Variants in CIB3 observed in about 807,000 individuals in gnomAD.
The protein encoded by CIB3 is calcium and integrin-binding family member 3.
Under a neutral mutation model 23.4 loss-of-function variants are expected in CIB3, and 22 were observed. That is an observed-to-expected ratio of 0.94 (90% CI 0.67 to 1.34). The LOEUF (loss-of-function observed/expected upper bound fraction) is 1.34, where lower values mean the gene tolerates loss of function less well. CIB3 is among the 40% of genes most tolerant of loss of function. The pLI, the probability that CIB3 is intolerant of heterozygous loss-of-function variation, is 0.00. For missense variants in CIB3, 258 were observed against 247.3 expected (o/e 1.04, Z -0.29); for synonymous variants, 93 against 95.8 (o/e 0.97, Z 0.17).
At position 16,161,437 on chromosome 19, in the gene CIB3, C is replaced by T; in HGVS notation, c.*28G>A. The T allele has an allele frequency of 6.2e-7, 1 of 1,613,774 alleles. No homozygotes were observed. The highest frequency in any genetic ancestry group is 8.5e-7 in the Non-Finnish European group (1 of 1,179,688). Reference sequence around the variant, plus strand: ...AGCGGGTGAGGGGTCACCCCGCCCTCCTATAGCTCGGCTCCTCTGTGGTGC... The same window carrying T: ...AGCGGGTGAGGGGTCACCCCGCCCTTCTATAGCTCGGCTCCTCTGTGGTGC... On this transcript the variant is annotated 3_prime_UTR_variant, in exon 6 of 6. Transcript: ENST00000269878.
intron 3 of CIB3, among the ~76,000 whole-genome samples, chr19:16,168,999 T>C (rs2091317072): frequency 6.6e-6 from 1 of 152,182 alleles, no homozygotes; most frequent in Non-Finnish European, 1.5e-5. Flanking sequence ...ATCCTGCTGA[T>C]AAAAACCTGC....
chr19:16,166,206 G>A (rs573298430), intron 4 of CIB3, among the ~76,000 whole-genome samples: 25 of 152,242 alleles, frequency 1.6e-4, no homozygotes, highest in African/African-American at 5.8e-4. Flanking sequence ...CAGGAGAATC[G>A]CTTGAACCCA....
At chr19:16,166,850 T>A (rs1248667383) in intron 4 of CIB3, among the ~76,000 whole-genome samples, 1 of 152,012 alleles carries the variant, frequency 6.6e-6, no homozygotes, top group African/African-American at 2.4e-5. Flanking sequence ...GAAGCCGAGG[T>A]GGGTGGATCA....
At position 16,173,151 on chromosome 19, in the gene CIB3, C is replaced by T; in HGVS notation, c.86+11G>A. 1.2e-6 allele frequency: 2 copies of T among 1,613,376 alleles called. No individual in the cohort carries two copies. Among genetic ancestry groups the T allele is most frequent in the Non-Finnish European group, 1.7e-6 (2 of 1,179,788 alleles). ...TTTCCAGATCTTCTCTCCCTTCCTC[C>T]CTGGACTGACCTCATGATCTCCTTC... On this transcript the variant is annotated intron_variant, in intron 2 of 5. Coordinates refer to ENST00000269878, the MANE Select transcript of CIB3 (RefSeq NM_054113.4).
intron 5 of CIB3, among the ~76,000 whole-genome samples, chr19:16,162,243 CA>C (rs79329568): frequency 0.18 from 9,516 of 52,524 alleles, 286 homozygotes; most frequent in African/African-American, 0.28. Flanking sequence ...CTTGTCTCCA[CA>C]AAAAAAAAAA....
chr19:16,162,622 C>T (rs963283692), intron 5 of CIB3, among the ~76,000 whole-genome samples: 1 of 151,628 alleles, frequency 6.6e-6, no homozygotes, highest in Non-Finnish European at 1.5e-5. Context: ...GGCGTGGTGG[C>T]GGGCGCCTGT....
intron 2 of CIB3, among the ~76,000 whole-genome samples, chr19:16,172,884 C>T (rs966535155): frequency 4.0e-5 from 6 of 150,574 alleles, no homozygotes; most frequent in African/African-American, 1.5e-4. Context: ...CTTGGGAGAT[C>T]GAGCCTGCAA....
At chr19:16,173,247 C>T in intron 1 of CIB3, 51 bp from the exon 2 acceptor site, 1 of 1,613,130 alleles carries the variant, frequency 6.2e-7, no homozygotes, top group South Asian at 1.1e-5. Flanking sequence ...GGGGCCTCCT[C>T]CCACGGCCTC....
At chr19:16,173,321 C>G (rs141281389) in intron 1 of CIB3, 104 bp downstream of exon 1, 1 of 1,562,678 alleles carries the variant, frequency 6.4e-7, no homozygotes, top group Non-Finnish European at 8.8e-7. Flanking sequence ...GAACCAGGAA[C>G]CCAGGCGGAC....
At chr19:16,169,884 CTG>C in intron 2 of CIB3, 143 bp from the exon 3 acceptor site, 28 of 620,422 alleles carry the variant, frequency 4.5e-5, no homozygotes, top group Middle Eastern at 4.5e-4. Flanking sequence ...ACTGTAACCT[CTG>C]CCTCCCGGGT....
chr19:16,165,030 A>C, intron 4 of CIB3, 117 bp from the exon 5 acceptor site: 1 of 856,148 alleles, frequency 1.2e-6, no homozygotes, highest in Non-Finnish European at 1.9e-6. Flanking sequence ...ACGGTGGCTC[A>C]CGCCTGTAAT....
At chr19:16,168,789 A>T (rs1259838053) in intron 3 of CIB3, among the ~76,000 whole-genome samples, 1 of 152,176 alleles carries the variant, frequency 6.6e-6, no homozygotes, top group East Asian at 1.9e-4. Context: ...GCACATCATC[A>T]GAGGCCCTGG....
intron 1 of CIB3, 98 bp from the exon 2 acceptor site, chr19:16,173,294 C>T (rs2091338387): frequency 1.3e-6 from 2 of 1,583,348 alleles, no homozygotes; most frequent in Non-Finnish European, 1.7e-6. Context: ...TGGCCTGATG[C>T]TGCCACACAC....
At chr19:16,173,085 C>A in intron 2 of CIB3, 77 bp downstream of exon 2, 1 of 1,437,614 alleles carries the variant, frequency 7.0e-7, no homozygotes, top group Non-Finnish European at 9.7e-7. Flanking sequence ...CACACACACA[C>A]CAAATTGCAA....
intron 4 of CIB3, among the ~76,000 whole-genome samples, chr19:16,166,778 C>T (rs1253782889): frequency 6.6e-6 from 1 of 152,184 alleles, no homozygotes; most frequent in African/African-American, 2.4e-5. Context: ...TTCATGTACT[C>T]ACTCAAAAAG....
intron 5 of CIB3, among the ~76,000 whole-genome samples, chr19:16,163,112 C>A (rs1440723882): frequency 1.3e-5 from 2 of 151,712 alleles, no homozygotes; most frequent in African/African-American, 4.8e-5. Context: ...GCTGGGATTA[C>A]AGGTGTGAGC....
intron 2 of CIB3, among the ~76,000 whole-genome samples, chr19:16,171,564 G>A (rs1432831091): frequency 1.3e-5 from 2 of 152,264 alleles, no homozygotes; most frequent in East Asian, 3.9e-4. Flanking sequence ...TCCCATCAGG[G>A]AATACCCTGG....
At chr19:16,161,673 C>CTTTTTTTTT (rs55969649) in intron 5 of CIB3, among the ~76,000 whole-genome samples, 187 bp from the exon 6 acceptor site, 3 of 100,048 alleles carry the variant, frequency 3.0e-5, no homozygotes, top group Non-Finnish European at 3.8e-5. Flanking sequence ...TTTTTTAATT[C>CTTTTTTTTT]TTTTTTTTTT....
Position 16,173,343 on chromosome 19 carries a change from A to G in CIB3, c.51+82T>C, listed in dbSNP as rs2091338606. 5.1e-6 allele frequency: 8 copies of G among 1,553,774 alleles called. No individual in the cohort carries two copies. The South Asian group carries it at 5.6e-5, about 11-fold the overall frequency. The stretch of plus-strand genomic sequence containing the variant: ...GAACCCAGGCGGACGGTACACCCAG[A>G]TGAAGGCATTCTGTTCCCATTTCCC... On this transcript the variant is annotated intron_variant, in intron 1 of 5. Coordinates refer to ENST00000269878, the MANE Select transcript of CIB3 (RefSeq NM_054113.4).
Sources: allele counts gnomAD v4.1 joint callset (sites outside exome capture counted in the v4.1 genomes callset), GRCh38; gene constraint gnomAD v4.1.1; transcripts MANE v1.5; gene names NCBI Gene and HGNC (gene_info 2026-07-23, HGNC 2026-07-21).